The following BTD variants were observed in gnomAD, a reference collection of about 807,000 sequenced individuals.
The protein encoded by BTD is biotinidase.
In BTD, 13 loss-of-function variants were observed where a neutral mutation model predicts 17.7. The observed-to-expected ratio is 0.74, with a 90% CI of 0.48 to 1.17. The LOEUF (loss-of-function observed/expected upper bound fraction) is 1.17. BTD is among the 50% of genes most tolerant of loss of function. The pLI is 0.00. For missense variants in BTD, 674 were observed against 650.4 expected, an observed-to-expected ratio of 1.04 and a Z score of -0.39; for synonymous variants, 240 against 245.2, an observed-to-expected ratio of 0.98 and a Z score of 0.20.
chr3:15,662,862 T>TG (rs1161826533), intron 3 of BTD, among the ~76,000 whole-genome samples: 1 of 151,236 alleles, frequency 6.6e-6, no homozygotes, highest in African/African-American at 2.4e-5. Flanking sequence ...GGTTTTTTTT[T>TG]TTTTTTTTTA....
chr3:15,681,422 A>C (rs776430367), intron 3 of BTD, among the ~76,000 whole-genome samples: 9 of 152,178 alleles, frequency 5.9e-5, no homozygotes, highest in Non-Finnish European at 1.3e-4. Context: ...AAAAATCCAA[A>C]TTTCAAATTT....
intron 3 of BTD, chr3:15,695,175 G>T (rs2069354521): frequency 6.3e-7 from 1 of 1,589,476 alleles, no homozygotes; most frequent in South Asian, 1.1e-5. Context: ...GGAGGGAATT[G>T]ACTAATACTT....
At chr3:15,636,189 A>G (rs1246856671) in intron 2 of BTD, among the ~76,000 whole-genome samples, 1 of 152,182 alleles carries the variant, frequency 6.6e-6, no homozygotes, top group Non-Finnish European at 1.5e-5. Flanking sequence ...ACTGGGCGTG[A>G]TGACCTCTCT....
chr3:15,630,799 C>A (rs925527612), intron 1 of BTD, among the ~76,000 whole-genome samples: 1 of 152,140 alleles, frequency 6.6e-6, no homozygotes, highest in Non-Finnish European at 1.5e-5. Flanking sequence ...CTGTCACTCA[C>A]AAGTGTTTAC....
chr3:15,693,605 ATGCTGC>A (rs56816346), intron 3 of BTD, among the ~76,000 whole-genome samples: 2 of 151,884 alleles, frequency 1.3e-5, no homozygotes, highest in Admixed American at 6.6e-5. Flanking sequence ...TATAATGAGA[ATGCTGC>A]TGCTGCTGCT....
chr3:15,661,265 C>CAAAAAA (rs56165902), intron 3 of BTD, among the ~76,000 whole-genome samples: 589 of 93,474 alleles, frequency 6.3e-3, no homozygotes, highest in Non-Finnish European at 7.5e-3. Flanking sequence ...GACTCTGTCT[C>CAAAAAA]AAAAAAAAAA....
chr3:15,604,108 A>G (rs2064367943), intron 1 of BTD, among the ~76,000 whole-genome samples: 1 of 151,970 alleles, frequency 6.6e-6, no homozygotes, highest in Non-Finnish European at 1.5e-5. Context: ...CCCAGGAGGG[A>G]CTCTGTATGG....
Position 15,649,319 on chromosome 3 carries a change from A to G in BTD, c.*3831A>G, listed in dbSNP as rs533216146. Among the ~76,000 whole-genome samples, 10 of 152,310 alleles carry G rather than the reference A, an allele frequency of 6.6e-5. No individual in the cohort carries two copies. The South Asian group carries it at 1.9e-3, about 28-fold the overall frequency. ...GGTGGAGCCATGATGTCTTTTATTA[A>G]CTAGTCTCAGAAGTCACACTGCATC... On this transcript the variant is annotated 3_prime_UTR_variant, in exon 4 of 4. Coordinates refer to ENST00000643237, the MANE Select transcript of BTD (RefSeq NM_001370658.1).
chr3:15,630,030 TCA>T (rs2065166622), intron 1 of BTD: 1 of 985,310 alleles, frequency 1.0e-6, no homozygotes, highest in African/African-American at 1.7e-5. Flanking sequence ...ACGCTGTGTG[TCA>T]CAGGGGGAAT....
In BTD at chr3:15,611,733, G is replaced by A. The variant is rs193027445; in HGVS notation, c.-17+9839G>A. Among the ~76,000 whole-genome samples the A allele has an allele frequency of 1.5e-3, 224 of 151,172 alleles. 2 individuals are homozygous for A. The highest frequency in any genetic ancestry group is 5.1e-3 in the African/African-American group (208 of 41,164). On this transcript the variant is annotated intron_variant, in intron 1 of 3. Coordinates refer to ENST00000643237, the MANE Select transcript of BTD (RefSeq NM_001370658.1). ...GCAGAGGTTGCAATGAGCTGAGATTGCACCACTGCACTCCAACCTGGGTGA... is the reference window on the plus strand; with the variant it reads ...GCAGAGGTTGCAATGAGCTGAGATTACACCACTGCACTCCAACCTGGGTGA...
downstream of BTD, among the ~76,000 whole-genome samples, chr3:15,716,141 C>T (rs183805806): frequency 2.0e-5 from 3 of 151,846 alleles, no homozygotes; most frequent in East Asian, 5.8e-4. Flanking sequence ...CACCACCATG[C>T]CCAGCTAATT....
intron 1 of BTD, among the ~76,000 whole-genome samples, chr3:15,616,892 G>A (rs1320918013): frequency 6.6e-6 from 1 of 151,958 alleles, no homozygotes; most frequent in African/African-American, 2.4e-5. Flanking sequence ...GAGTGCAGTG[G>A]TGCAATCTCG....
chr3:15,679,260 G>T (rs1172526943), intron 3 of BTD: 2 of 1,568,978 alleles, frequency 1.3e-6, no homozygotes, highest in Non-Finnish European at 1.8e-6. Context: ...ATGAGCCACT[G>T]TGCCTGGCTA....
In BTD at chr3:15,631,433, C is replaced by A. The variant is rs971502394; in HGVS notation, c.-16-3991C>A. On this transcript the variant is annotated intron_variant, in intron 1 of 3. Coordinates refer to ENST00000643237, the MANE Select transcript of BTD (RefSeq NM_001370658.1). ...CCCTCTCATTTTATTTCAGAAGACACTATTGTAATAGCATGGCTAGGAAGG... is the reference window on the plus strand; with the variant it reads ...CCCTCTCATTTTATTTCAGAAGACAATATTGTAATAGCATGGCTAGGAAGG... 8 of 1,532,258 alleles carry A rather than the reference C, an allele frequency of 5.2e-6. No homozygotes were observed. In the African/African-American group the frequency reaches 9.6e-5, roughly 18 times the overall value. The allele number at this position is 1,532,258 out of a possible 1,614,324, so 94.9% of individuals were successfully genotyped here.
chr3:15,683,532 A>G (rs537853752), intron 3 of BTD, among the ~76,000 whole-genome samples: 11 of 152,328 alleles, frequency 7.2e-5, no homozygotes, highest in Non-Finnish European at 1.5e-4. Context: ...TTAAGGTAGT[A>G]AAAAACAAAG....
chr3:15,678,757 C>T (rs189587777), intron 3 of BTD, among the ~76,000 whole-genome samples: 2 of 151,610 alleles, frequency 1.3e-5, no homozygotes, highest in Admixed American at 6.6e-5. Context: ...GAAACAAATT[C>T]GAAAGAGAGG....
At chr3:15,617,871 A>G (rs914013086) in intron 1 of BTD, among the ~76,000 whole-genome samples, 2 of 152,184 alleles carry the variant, frequency 1.3e-5, no homozygotes, top group African/African-American at 4.8e-5. Flanking sequence ...AATGTCTTGA[A>G]GTTGGTAGTG....
intron 3 of BTD, chr3:15,694,942 T>G: frequency 1.1e-6 from 1 of 879,952 alleles, no homozygotes; most frequent in Non-Finnish European, 1.8e-6. Flanking sequence ...ACATGATTAT[T>G]ATGAAAGTAT....
At chr3:15,708,725 G>A (rs949038518) in intron 3 of BTD, among the ~76,000 whole-genome samples, 1 of 152,028 alleles carries the variant, frequency 6.6e-6, no homozygotes, top group African/African-American at 2.4e-5. Context: ...CATTAAGTAG[G>A]CTTATGAGAG....
Sources: allele counts gnomAD v4.1 joint callset (sites outside exome capture counted in the v4.1 genomes callset), GRCh38; gene constraint gnomAD v4.1.1; transcripts MANE v1.5; gene names NCBI Gene and HGNC (gene_info 2026-07-23, HGNC 2026-07-21).